RASGRP1: variants seen among roughly 807,000 people sequenced by gnomAD.
The protein encoded by RASGRP1 is RAS guanyl-releasing protein 1.
RASGRP1 carries 37 observed loss-of-function variants against 95.1 expected under a neutral mutation model. The ratio of observed to expected loss-of-function variants is 0.39; its 90% CI spans 0.30 to 0.51. The LOEUF (loss-of-function observed/expected upper bound fraction) is 0.51. Ranked by LOEUF, RASGRP1 falls within the 20% of genes least tolerant of loss-of-function variation. RASGRP1 has a pLI of 0.80. For synonymous variants in RASGRP1, 325 were observed against 353.4 expected, an observed-to-expected ratio of 0.92 and a Z score of 0.90; for missense variants, 711 against 965.4, an observed-to-expected ratio of 0.74 and a Z score of 3.49.
intron 2 of RASGRP1, among the ~76,000 whole-genome samples, chr15:38,546,377 A>G (rs1235893383): frequency 6.6e-6 from 1 of 152,044 alleles, no homozygotes; most frequent in Non-Finnish European, 1.5e-5. Context: ...ACAGGTGTGC[A>G]CCACCACACC....
At chr15:38,513,199 A>T (rs1891611161) in intron 6 of RASGRP1, among the ~76,000 whole-genome samples, 1 of 152,224 alleles carries the variant, frequency 6.6e-6, no homozygotes, top group South Asian at 2.1e-4. Flanking sequence ...GAATAAGTGG[A>T]TGTGTAGACA....
At chr15:38,500,196 A>G (rs1890957749) in intron 13 of RASGRP1, 57 bp from the exon 14 acceptor site, 13 of 1,562,472 alleles carry the variant, frequency 8.3e-6, no homozygotes, top group South Asian at 1.1e-5. Flanking sequence ...GTGTGAGGCT[A>G]CAAGGTGACA....
At chr15:38,512,134 G>A (rs569458104) in intron 7 of RASGRP1, among the ~76,000 whole-genome samples, 32 of 152,310 alleles carry the variant, frequency 2.1e-4, no homozygotes, top group Non-Finnish European at 4.6e-4. Context: ...TGTTGACTTT[G>A]AGAAACACTG....
chr15:38,537,451 CT>C (rs1470356504), intron 2 of RASGRP1, among the ~76,000 whole-genome samples: 1 of 152,052 alleles, frequency 6.6e-6, no homozygotes, highest in Non-Finnish European at 1.5e-5. Context: ...GGTAGTTATG[CT>C]ACAGTTTGAT....
chr15:38,564,488 C>G, intron 1 of RASGRP1, 106 bp downstream of exon 1: 1 of 1,138,824 alleles, frequency 8.8e-7, no homozygotes, highest in Non-Finnish European at 1.1e-6. Context: ...CGACCCCGGC[C>G]CCCCTCCGCC....
intron 2 of RASGRP1, among the ~76,000 whole-genome samples, chr15:38,530,394 A>G (rs1288586011): frequency 6.6e-6 from 1 of 152,258 alleles, no homozygotes; most frequent in Non-Finnish European, 1.5e-5. Flanking sequence ...GCAAAGTCAC[A>G]TGGAACATAG....
intron 10 of RASGRP1, chr15:38,504,048 T>A (rs1891152246): frequency 6.6e-6 from 1 of 152,242 alleles, no homozygotes; most frequent in Non-Finnish European, 1.5e-5. Flanking sequence ...TATTTGTGTA[T>A]CTTAACATAT....
intron 3 of RASGRP1, among the ~76,000 whole-genome samples, chr15:38,523,400 C>T (rs1319373949): frequency 6.6e-6 from 1 of 151,912 alleles, no homozygotes; most frequent in African/African-American, 2.4e-5. Context: ...ATTTTTAAAA[C>T]AGAAAGAAGC....
At chr15:38,531,282 A>G (rs958098274) in intron 2 of RASGRP1, among the ~76,000 whole-genome samples, 5 of 152,230 alleles carry the variant, frequency 3.3e-5, no homozygotes, top group Non-Finnish European at 5.9e-5. Context: ...GTCTGATTCC[A>G]GAGCCCCTTC....
At chr15:38,494,354 A>C (rs1185851805) in intron 16 of RASGRP1, 28 bp downstream of exon 16, 8 of 1,610,254 alleles carry the variant, frequency 5.0e-6, no homozygotes, top group Non-Finnish European at 6.8e-6. Context: ...AGATAGTCTG[A>C]AAAAAAGGAA....
At chr15:38,559,738 G>T in intron 2 of RASGRP1, 83 bp downstream of exon 2, 1 of 1,377,370 alleles carries the variant, frequency 7.3e-7, no homozygotes, top group Non-Finnish European at 1.0e-6. Flanking sequence ...ATACAATCTA[G>T]ATTGCTGTTC....
intron 4 of RASGRP1, 128 bp from the exon 5 acceptor site, chr15:38,518,551 G>A: frequency 2.0e-6 from 2 of 991,690 alleles, no homozygotes; most frequent in Non-Finnish European, 2.9e-6. Context: ...TCGTCTATTA[G>A]TATATTGAAG....
Position 38,564,599 on chromosome 15 carries a change from A to G in RASGRP1, c.30T>C (p.Ala10=). 3 of 1,383,170 alleles carry G rather than the reference A, an allele frequency of 2.2e-6. No individual in the cohort carries two copies. The highest frequency in any genetic ancestry group is 2.8e-6 in the Non-Finnish European group (3 of 1,056,630). The allele number at this position is 1,383,170 out of a possible 1,614,324, so 85.7% of individuals were successfully genotyped here. A position where few individuals can be genotyped will look rare whatever the true frequency, so the allele number is the denominator to read the frequency against. Residue 10 remains alanine (A), a synonymous_variant, in exon 1 of 17, where the codon GCT becomes GCC. Transcript: ENST00000310803. ...CCACGGCCGCCTCTACTCACCGCGG[A>G]GCCTCTCTCGCCTTGCCCAGGGTGC... MGTLGKARE[A]PRKPSHGCRA...
At chr15:38,547,642 C>T (rs907466826) in intron 2 of RASGRP1, among the ~76,000 whole-genome samples, 4 of 152,138 alleles carry the variant, frequency 2.6e-5, no homozygotes, top group Non-Finnish European at 5.9e-5. Flanking sequence ...GTTAAATTTC[C>T]ACCCAAAGTA....
At chr15:38,528,419 C>T (rs1393819700) in intron 2 of RASGRP1, among the ~76,000 whole-genome samples, 1 of 152,140 alleles carries the variant, frequency 6.6e-6, no homozygotes, top group Non-Finnish European at 1.5e-5. Context: ...TTCAAAGTTA[C>T]CAATCAGCTC....
At chr15:38,510,250 A>G (rs1054516063) in intron 8 of RASGRP1, among the ~76,000 whole-genome samples, 6 of 152,196 alleles carry the variant, frequency 3.9e-5, no homozygotes. Context: ...GCTAAATGAC[A>G]TGAAGGCTTC....
At chr15:38,538,681 G>A (rs1280679378) in intron 2 of RASGRP1, among the ~76,000 whole-genome samples, 1 of 152,316 alleles carries the variant, frequency 6.6e-6, no homozygotes, top group East Asian at 1.9e-4. Context: ...AACCCAGGCT[G>A]CCTGGCTCTG....
intron 10 of RASGRP1, among the ~76,000 whole-genome samples, chr15:38,505,565 G>T (rs1031754258): frequency 9.2e-5 from 14 of 152,060 alleles, no homozygotes; most frequent in African/African-American, 3.1e-4. Flanking sequence ...ACCACACCTG[G>T]CATTCTGATG....
At chr15:38,530,868 T>A (rs754309378) in intron 2 of RASGRP1, among the ~76,000 whole-genome samples, 2 of 152,192 alleles carry the variant, frequency 1.3e-5, no homozygotes, top group South Asian at 4.1e-4. Context: ...TCTGAAGTGT[T>A]CTTTGTGGGA....
Sources: allele counts gnomAD v4.1 joint callset (sites outside exome capture counted in the v4.1 genomes callset), GRCh38; gene constraint gnomAD v4.1.1; transcripts MANE v1.5; gene names NCBI Gene and HGNC (gene_info 2026-07-23, HGNC 2026-07-21).